The following LGALS12 variants were observed in gnomAD, a reference collection of about 807,000 sequenced individuals.
LGALS12 encodes galectin 12, also known as galectin-12.
In LGALS12, 36 loss-of-function variants were observed where a neutral mutation model predicts 36.8. That is an observed-to-expected ratio of 0.98 (90% confidence interval 0.75 to 1.29). The LOEUF is 1.29. LGALS12 is among the 50% of genes most tolerant of loss of function. LGALS12 has a pLI of 0.00. For synonymous variants in LGALS12, 145 were observed against 155.9 expected, an observed-to-expected ratio of 0.93 and a Z score of 0.52; for missense variants, 366 against 394.3, an observed-to-expected ratio of 0.93 and a Z score of 0.61.
intron 4 of LGALS12, 97 bp downstream of exon 4, chr11:63,509,994 G>C (rs1304677215): frequency 1.4e-6 from 2 of 1,418,516 alleles, no homozygotes; most frequent in Non-Finnish European, 1.9e-6. Context: ...CCTAGACTGA[G>C]AGAGAGGACG....
At chr11:63,510,617 G>T in intron 5 of LGALS12, 116 bp downstream of exon 5, 1 of 940,974 alleles carries the variant, frequency 1.1e-6, no homozygotes. Context: ...CGGTTGCCAC[G>T]GACATGGCTG....
At chr11:63,508,441 T>A in intron 1 of LGALS12, 112 bp from the exon 2 acceptor site, 1 of 1,494,188 alleles carries the variant, frequency 6.7e-7, no homozygotes. Context: ...AATTTTCTGT[T>A]TGGAGAGGAA....
chr11:63,515,243 C>A (rs2017043440), intron 7 of LGALS12, among the ~76,000 whole-genome samples: 1 of 152,222 alleles, frequency 6.6e-6, no homozygotes, highest in Admixed American at 6.5e-5. Context: ...CTATCATCAT[C>A]ATAATCATCC....
chr11:63,506,492 G>A lies in LGALS12; in HGVS notation c.34G>A (p.Asp12Asn), dbSNP rs1211615154. 5 of 1,614,198 alleles carry A rather than the reference G, an allele frequency of 3.1e-6. No individual in the cohort carries two copies. The highest frequency in any genetic ancestry group is 1.1e-5 in the South Asian group (1 of 91,084). Residue 12 changes from aspartate (D) to asparagine (N), a missense_variant, in exon 1 of 9, where the codon GAC becomes AAC. Transcript: ENST00000394618. The part of the protein sequence containing the change: ...SPGEKLDPIP[D>N]SFILQPPVFH... Reference sequence around the variant, plus strand: ...TGGAGAAAAACTGGACCCAATTCCTGACAGCTTCATTCTGCAACCACCAGT... The same window carrying A: ...TGGAGAAAAACTGGACCCAATTCCTAACAGCTTCATTCTGCAACCACCAGT...
chr11:63,515,779 C>G, intron 8 of LGALS12, 66 bp downstream of exon 8: 2 of 1,528,238 alleles, frequency 1.3e-6, no homozygotes, highest in Non-Finnish European at 1.8e-6. Flanking sequence ...CCATAATGAC[C>G]TGGGAGATGC....
chr11:63,511,813 G>C lies in LGALS12; in HGVS notation c.620G>C (p.Arg207Pro), dbSNP rs200655065. The C allele has an allele frequency of 1.2e-6, 2 of 1,613,302 alleles. No individual in the cohort carries two copies. Among genetic ancestry groups the C allele is most frequent in the Admixed American group, 1.7e-5 (1 of 60,012 alleles). Residue 207 changes from arginine to proline, a missense_variant, in exon 7 of 9, where the codon CGG becomes CCG. Physicochemically the swap from Arg to Pro is moderately radical, Grantham distance 103. Transcript: ENST00000394618. ...GLSPGQVIIV[R>P]GLVLQEPKHF... is the part of the protein sequence containing the mutation. The stretch of plus-strand genomic sequence containing the variant: ...TCGCCTGGGCAGGTCATCATAGTAC[G>C]GGGACTGGTCTTGCAAGAGCCGAAG...
At chr11:63,508,334 C>T in intron 1 of LGALS12, 1 of 1,407,542 alleles carries the variant, frequency 7.1e-7, no homozygotes, top group Middle Eastern at 2.7e-4. Context: ...CGGAATTTGA[C>T]TTCTCTGGTG....
chr11:63,510,004 G>T, intron 4 of LGALS12, 107 bp downstream of exon 4: 1 of 1,355,810 alleles, frequency 7.4e-7, no homozygotes, highest in Non-Finnish European at 1.0e-6. Context: ...GAGAGAGGAC[G>T]CCCTGTGCAC....
At chr11:63,510,525 T>C (rs749294519) in intron 5 of LGALS12, 24 bp downstream of exon 5, 1 of 1,612,152 alleles carries the variant, frequency 6.2e-7, no homozygotes, top group Non-Finnish European at 8.5e-7. Context: ...CAGCAAGGTC[T>C]GAGCAGCCAC....
At position 63,509,898 on chromosome 11, in the gene LGALS12, G is replaced by A. The variant is rs1565225936; in HGVS notation, c.492+1G>A. Reference sequence around the variant, plus strand: ...GGCTGTTGGATTCCTGAACATCAATGTAAGTTTCCTTGGGACCAAGGCCTG... The same window carrying A: ...GGCTGTTGGATTCCTGAACATCAATATAAGTTTCCTTGGGACCAAGGCCTG... On this transcript the variant is annotated splice_donor_variant, in intron 4 of 8. Transcript: ENST00000394618. LOFTEE classifies it high-confidence loss of function. The A allele has an allele frequency of 6.2e-7, 1 of 1,613,814 alleles. No homozygotes were observed. The highest frequency in any genetic ancestry group is 1.7e-5 in the Admixed American group (1 of 60,000).
In LGALS12 at chr11:63,516,369, C is replaced by T; in HGVS notation, c.921C>T (p.Val307=). 6.2e-7 allele frequency: 1 copy of T among 1,613,998 alleles called. No homozygotes were observed. The highest frequency in any genetic ancestry group is 8.5e-7 in the Non-Finnish European group (1 of 1,180,018). Residue 307 remains valine, a synonymous_variant, in exon 9 of 9, where the codon GTC becomes GTT. Transcript: ENST00000394618. ...GGGAGCTCCGGATCAGTGGAAGTGT[C>T]CAGCTCTACTGTGTCCACTCCTGAG... The part of the protein sequence containing the change: ...QLRELRISGS[V]QLYCVHS
In LGALS12 at chr11:63,511,616, A is replaced by G. The variant is rs112167979; in HGVS notation, c.559-136A>G. Reference sequence around the variant, plus strand: ...CAGAGTACAGGAGGCCAGGTGCTTAACAAATAAGCAGCGTGTCCTGGCGGC... The same window carrying G: ...CAGAGTACAGGAGGCCAGGTGCTTAGCAAATAAGCAGCGTGTCCTGGCGGC... On this transcript the variant is annotated intron_variant, in intron 6 of 8. Coordinates refer to ENST00000394618, the MANE Select transcript of LGALS12 (RefSeq NM_033101.4). The G allele has an allele frequency of 2.6e-3, 1,674 of 640,930 alleles. 26 individuals carry two copies. The highest frequency in any genetic ancestry group is 0.026 in the African/African-American group (1,437 of 55,436). The allele number at this position is 640,930 out of a possible 1,614,324, so 39.7% of individuals were successfully genotyped here. A position where few individuals can be genotyped will look rare whatever the true frequency, so the allele number is the denominator to read the frequency against.
intron 8 of LGALS12, 57 bp from the exon 9 acceptor site, chr11:63,516,190 G>A: frequency 3.3e-6 from 5 of 1,518,182 alleles, no homozygotes; most frequent in Non-Finnish European, 4.4e-6. Context: ...AGAGCGTCAG[G>A]CAGACAAGGG....
In LGALS12 at chr11:63,511,502, G is replaced by C. The variant is rs75376242; in HGVS notation, c.559-250G>C. 5.2e-4 allele frequency among the ~76,000 whole-genome samples: 79 copies of C among 152,320 alleles called. No homozygotes were observed. The East Asian group carries it at 0.012, about 24-fold the overall frequency. On this transcript the variant is annotated intron_variant, in intron 6 of 8. Coordinates refer to ENST00000394618, the MANE Select transcript of LGALS12 (RefSeq NM_033101.4). ...ACCACTAGATGGCAATTACAGTTAA[G>C]GATGCAGTGAAGGGAGAAGGACATG... is the stretch of plus-strand genomic sequence containing the variant.
intron 8 of LGALS12, 148 bp from the exon 9 acceptor site, chr11:63,516,099 C>T: frequency 1.0e-6 from 1 of 985,160 alleles, no homozygotes; most frequent in South Asian, 1.8e-5. Context: ...GGCCCCTTAT[C>T]CTGTTCTTTT....
At chr11:63,515,201 C>T (rs1239013567) in intron 7 of LGALS12, among the ~76,000 whole-genome samples, 1 of 152,200 alleles carries the variant, frequency 6.6e-6, no homozygotes, top group Non-Finnish European at 1.5e-5. Context: ...ATACCTGGCA[C>T]TTAGTTAGCA....
chr11:63,509,772 C>A lies in LGALS12; in HGVS notation c.373-6C>A. 6.2e-7 allele frequency: 1 copy of A among 1,614,066 alleles called. No homozygotes were observed. The highest frequency in any genetic ancestry group is 1.7e-4 in the Middle Eastern group (1 of 6,060). On this transcript the variant is annotated splice_polypyrimidine_tract_variant and splice_region_variant and intron_variant, in intron 3 of 8. Coordinates refer to ENST00000394618, the MANE Select transcript of LGALS12 (RefSeq NM_033101.4). ...CTGATAAGCCAGCCTCTGTCTGTCT[C>A]TCCAGGTGAGTGTGAATGGACAGCA...
At position 63,515,690 on chromosome 11, in the gene LGALS12, T is replaced by C. The variant is rs1236105793; in HGVS notation, c.775T>C (p.Phe259Leu). The change falls in exon 8 of 9, where the codon TTT becomes CTT. Residue 259 changes from phenylalanine to leucine, a missense_variant. By Grantham distance (22) the Phe-to-Leu change is conservative. Transcript: ENST00000394618. ...QKKLISAPFL[F>L]YPQRFFEVLL... is the part of the protein sequence containing the mutation. ...GAAACTGATCTCAGCCCCCTTCCTC[T>C]TTTACCCCCAGAGATTCTTTGAGGT... 1.2e-6 allele frequency: 2 copies of C among 1,614,000 alleles called. No homozygotes were observed. The highest frequency in any genetic ancestry group is 1.7e-6 in the Non-Finnish European group (2 of 1,180,014).
At chr11:63,507,784 A>G (rs953576610) in intron 1 of LGALS12, among the ~76,000 whole-genome samples, 2 of 123,476 alleles carry the variant, frequency 1.6e-5, no homozygotes, top group Non-Finnish European at 3.2e-5. Flanking sequence ...GCCCAGGCTG[A>G]AGTACAGTGG....
Sources: gnomAD v4.1 joint callset for allele counts (sites outside exome capture counted in the v4.1 genomes callset) on GRCh38, gnomAD v4.1.1 for gene constraint, MANE v1.5 for transcripts, NCBI Gene and HGNC (gene_info 2026-07-23, HGNC 2026-07-21) for gene names.